The following DDHD1 variants were observed in gnomAD, a reference collection of about 807,000 sequenced individuals.
The protein encoded by DDHD1 is phospholipase DDHD1.
Under a neutral mutation model 96.4 loss-of-function variants are expected in DDHD1, and 49 were observed. The observed-to-expected ratio is 0.51, with a 90% CI of 0.40 to 0.64. The LOEUF is 0.64. DDHD1 is among the 30% of genes least tolerant of loss of function. The pLI, the probability that DDHD1 is intolerant of heterozygous loss-of-function variation, is 0.00. For missense variants in DDHD1, 1,106 were observed against 1,161.2 expected, an observed-to-expected ratio of 0.95 and a Z score of 0.69; for synonymous variants, 442 against 446.5, an observed-to-expected ratio of 0.99 and a Z score of 0.13.
At chr14:53,076,763 C>G (rs1884993703) in intron 4 of DDHD1, among the ~76,000 whole-genome samples, 1 of 152,184 alleles carries the variant, frequency 6.6e-6, no homozygotes, top group Non-Finnish European at 1.5e-5. Flanking sequence ...CAGCAGCCAT[C>G]AACATGGACG....
intron 1 of DDHD1, among the ~76,000 whole-genome samples, chr14:53,134,873 A>G (rs1890118543): frequency 6.6e-6 from 1 of 152,144 alleles, no homozygotes; most frequent in South Asian, 2.1e-4. Flanking sequence ...AACTGCATCC[A>G]GGCCATCACC....
At chr14:53,091,961 C>G in intron 3 of DDHD1, 29 bp from the exon 4 acceptor site, 1 of 1,566,826 alleles carries the variant, frequency 6.4e-7, no homozygotes, top group Non-Finnish European at 8.7e-7. Flanking sequence ...TCTAAGTTTA[C>G]TATTTAATCT....
intron 6 of DDHD1, among the ~76,000 whole-genome samples, chr14:53,071,184 T>C (rs1884477736): frequency 6.6e-6 from 1 of 152,110 alleles, no homozygotes; most frequent in African/African-American, 2.4e-5. Context: ...AATTAAGTGT[T>C]ACAGTGGGAC....
At chr14:53,095,687 A>G (rs529839862) in intron 2 of DDHD1, among the ~76,000 whole-genome samples, 50 of 152,328 alleles carry the variant, frequency 3.3e-4, no homozygotes, top group African/African-American at 1.2e-3. Context: ...CATAAACTAA[A>G]AAAAATCTTT....
At chr14:53,125,605 TTC>T (rs1466524795) in intron 1 of DDHD1, among the ~76,000 whole-genome samples, 1 of 152,214 alleles carries the variant, frequency 6.6e-6, no homozygotes, top group Admixed American at 6.5e-5. Flanking sequence ...CTTTTCTATT[TTC>T]TCTTTCTACT....
chr14:53,049,567 A>G (rs1460441407), intron 12 of DDHD1, among the ~76,000 whole-genome samples: 1 of 150,276 alleles, frequency 6.7e-6, no homozygotes, highest in African/African-American at 2.4e-5. Flanking sequence ...GGATTAGCCT[A>G]GGACCTACTT....
At chr14:53,086,894 G>C (rs936544798) in intron 4 of DDHD1, among the ~76,000 whole-genome samples, 3 of 146,500 alleles carry the variant, frequency 2.0e-5, no homozygotes, top group Admixed American at 7.1e-5. Context: ...CTGTATTCAG[G>C]AGACCCATCT....
intron 2 of DDHD1, chr14:53,103,424 G>T: frequency 2.6e-6 from 1 of 383,284 alleles, no homozygotes; most frequent in Non-Finnish European, 4.6e-6. Flanking sequence ...AATAGGGAGT[G>T]CATTGTAACA....
chr14:53,146,898 T>C (rs1263967736), intron 1 of DDHD1, among the ~76,000 whole-genome samples: 1 of 152,076 alleles, frequency 6.6e-6, no homozygotes, highest in Non-Finnish European at 1.5e-5. Flanking sequence ...CAGAAGGGAC[T>C]CTGTATATCT....
At chr14:53,092,370 A>T (rs1886500381) in intron 3 of DDHD1, 1 of 150,774 alleles carries the variant, frequency 6.6e-6, no homozygotes. Context: ...CAAAATAAAT[A>T]TAACTAATAA....
intron 5 of DDHD1, 74 bp from the exon 6 acceptor site, chr14:53,072,777 T>C (rs1884628940): frequency 2.2e-6 from 2 of 901,556 alleles, no homozygotes; most frequent in East Asian, 5.0e-5. Context: ...GTGAAGAAAA[T>C]TACGTTGCCT....
intron 1 of DDHD1, among the ~76,000 whole-genome samples, chr14:53,104,910 A>G (rs1050826054): frequency 5.3e-5 from 8 of 152,128 alleles, no homozygotes; most frequent in Non-Finnish European, 7.4e-5. Context: ...TTGTACATAC[A>G]TATTTGGAAA....
intron 4 of DDHD1, among the ~76,000 whole-genome samples, chr14:53,082,410 T>A (rs565800909): frequency 6.8e-6 from 1 of 146,218 alleles, no homozygotes; most frequent in Non-Finnish European, 1.5e-5. Flanking sequence ...AAGATATAAA[T>A]AGAAAATCAT....
chr14:53,086,847 T>C (rs1262407788), intron 4 of DDHD1, among the ~76,000 whole-genome samples: 1 of 151,528 alleles, frequency 6.6e-6, no homozygotes, highest in Non-Finnish European at 1.5e-5. Context: ...AGTTAAAAGA[T>C]ACAGACTGGC....
At chr14:53,102,974 G>C in intron 2 of DDHD1, 1 of 1,522,014 alleles carries the variant, frequency 6.6e-7, no homozygotes, top group Non-Finnish European at 8.9e-7. Context: ...AACGGTTTTA[G>C]AAGAAAAACT....
intron 1 of DDHD1, among the ~76,000 whole-genome samples, chr14:53,134,896 T>C (rs1196072439): frequency 6.6e-6 from 1 of 152,156 alleles, no homozygotes; most frequent in Admixed American, 6.5e-5. Flanking sequence ...TCATTCTATA[T>C]AACAAATGTT....
At chr14:53,117,823 G>A (rs1023414385) in intron 1 of DDHD1, among the ~76,000 whole-genome samples, 32 of 152,128 alleles carry the variant, frequency 2.1e-4, no homozygotes, top group African/African-American at 6.5e-4. Flanking sequence ...CAGGGCATTC[G>A]AACTCTGAGA....
rs181643626 is a variant in DDHD1, at chr14:53,090,872, A to T, written c.1289+913T>A. Among the ~76,000 whole-genome samples, 124 of 144,156 alleles carry T rather than the reference A, an allele frequency of 8.6e-4. 5 individuals carry two copies. In the East Asian group the frequency reaches 0.018, roughly 21 times the overall value. 94.6% of individuals were successfully genotyped at this position (144,156 alleles called of 152,430 possible). ...TGTACCCTAGAACTTAAAGTATAAT[A>T]AAAAAAAAAAAGTTGAATTGTATTT... is the stretch of plus-strand genomic sequence containing the variant. On this transcript the variant is annotated intron_variant, in intron 4 of 12. Coordinates refer to ENST00000673822, the MANE Select transcript of DDHD1 (RefSeq NM_001160148.2).
intron 1 of DDHD1, among the ~76,000 whole-genome samples, chr14:53,146,995 A>G (rs1891039562): frequency 6.6e-6 from 1 of 151,932 alleles, no homozygotes; most frequent in African/African-American, 2.4e-5. Flanking sequence ...TCACGAAAAA[A>G]CAAAGGTCTT....
Sources: allele counts gnomAD v4.1 joint callset (sites outside exome capture counted in the v4.1 genomes callset), GRCh38; gene constraint gnomAD v4.1.1; transcripts MANE v1.5; gene names NCBI Gene and HGNC (gene_info 2026-07-23, HGNC 2026-07-21).